Variants in TIAM1 observed in about 807,000 individuals in gnomAD.
TIAM1 encodes the protein rho guanine nucleotide exchange factor TIAM1.
A neutral mutation model predicts 163.5 loss-of-function variants in TIAM1; 65 were observed. The ratio of observed to expected loss-of-function variants is 0.40; its 90% CI spans 0.33 to 0.49. The LOEUF (loss-of-function observed/expected upper bound fraction) is 0.49, where lower values mean the gene tolerates loss of function less well. Among genes scored for constraint, TIAM1 ranks in the 20% least tolerant of loss-of-function variants. The pLI is 0.77. For missense variants in TIAM1, 1,789 were observed against 2,044.7 expected (o/e 0.87, Z 2.41); for synonymous variants, 833 against 810.1 (o/e 1.03, Z -0.48).
chr21:31,272,479 TAAA>T (rs36107845), intron 3 of TIAM1, among the ~76,000 whole-genome samples: 2 of 133,098 alleles, frequency 1.5e-5, no homozygotes. Flanking sequence ...AAGCCTTTTG[TAAA>T]AAAAAAAAAA....
chr21:31,222,543 T>G (rs1365981584), intron 8 of TIAM1, among the ~76,000 whole-genome samples: 1 of 151,698 alleles, frequency 6.6e-6, no homozygotes. Flanking sequence ...CTTGCTCTAA[T>G]GCATCGGGTA....
intron 6 of TIAM1, among the ~76,000 whole-genome samples, chr21:31,235,480 CT>C (rs1365737834): frequency 6.6e-6 from 1 of 152,138 alleles, no homozygotes; most frequent in Non-Finnish European, 1.5e-5. Context: ...AAATGTTCAT[CT>C]ATCATAATAG....
chr21:31,388,731 T>G (rs1272996425), intron 2 of TIAM1, among the ~76,000 whole-genome samples: 1 of 152,150 alleles, frequency 6.6e-6, no homozygotes, highest in Non-Finnish European at 1.5e-5. Context: ...CTGCTTATGT[T>G]TTTATGCCTC....
chr21:31,434,258 A>G (rs2044136745), intron 2 of TIAM1, among the ~76,000 whole-genome samples: 2 of 152,180 alleles, frequency 1.3e-5, no homozygotes, highest in Non-Finnish European at 1.5e-5. Context: ...AAATCTATGA[A>G]ACAATGGTTT....
At chr21:31,374,344 C>T (rs1393303328) in intron 2 of TIAM1, among the ~76,000 whole-genome samples, 1 of 152,180 alleles carries the variant, frequency 6.6e-6, no homozygotes, top group East Asian at 1.9e-4. Context: ...AGTTTCCTTC[C>T]TGTAGCTTTG....
At chr21:31,444,869 A>G (rs2147309986) in intron 2 of TIAM1, among the ~76,000 whole-genome samples, 1 of 152,262 alleles carries the variant, frequency 6.6e-6, no homozygotes, top group African/African-American at 2.4e-5. Context: ...ATGGTCGCAC[A>G]TGCCTGTAAT....
At chr21:31,214,887 A>C (rs1200599189) in intron 9 of TIAM1, among the ~76,000 whole-genome samples, 1 of 152,072 alleles carries the variant, frequency 6.6e-6, no homozygotes, top group Non-Finnish European at 1.5e-5. Flanking sequence ...TTGGCCTCCT[A>C]AAGTGCTAGG....
chr21:31,397,608 G>C (rs1198389820), intron 2 of TIAM1, among the ~76,000 whole-genome samples: 3 of 152,186 alleles, frequency 2.0e-5, no homozygotes, highest in African/African-American at 7.2e-5. Context: ...ACAAAGAGCT[G>C]GTGAAACCTC....
intron 2 of TIAM1, among the ~76,000 whole-genome samples, chr21:31,311,903 GAAT>G (rs2074945581): frequency 1.3e-5 from 2 of 152,104 alleles, no homozygotes; most frequent in Non-Finnish European, 2.9e-5. Context: ...AGCACGGCCA[GAAT>G]AAAAGCAGGC....
intron 1 of TIAM1, among the ~76,000 whole-genome samples, chr21:31,503,197 C>T (rs2046904635): frequency 6.6e-6 from 1 of 151,830 alleles, no homozygotes; most frequent in Admixed American, 6.6e-5. Context: ...GAGTTCAAGA[C>T]CAGCTTGGCC....
intron 4 of TIAM1, among the ~76,000 whole-genome samples, chr21:31,256,475 G>T (rs1194187075): frequency 6.6e-6 from 1 of 152,008 alleles, no homozygotes; most frequent in Admixed American, 6.6e-5. Flanking sequence ...GTAAAGAAAT[G>T]TGGACCTACA....
At chr21:31,356,520 T>C (rs927748870) in intron 2 of TIAM1, among the ~76,000 whole-genome samples, 13 of 152,168 alleles carry the variant, frequency 8.5e-5, no homozygotes. Context: ...GATTAGATCA[T>C]GAGATCGGAG....
At chr21:31,546,109 C>T (rs1056434644) in intron 1 of TIAM1, among the ~76,000 whole-genome samples, 4 of 150,960 alleles carry the variant, frequency 2.6e-5, no homozygotes, top group Non-Finnish European at 5.9e-5. Context: ...TAACAACCAC[C>T]CTTAATCTCA....
chr21:31,277,569 C>T (rs918454095), intron 2 of TIAM1, among the ~76,000 whole-genome samples: 1 of 152,134 alleles, frequency 6.6e-6, no homozygotes, highest in African/African-American at 2.4e-5. Context: ...CGCTGGAACC[C>T]GGGAGGTGGA....
intron 2 of TIAM1, 150 bp from the exon 3 acceptor site, chr21:31,277,058 C>G (rs562848508): frequency 2.6e-5 from 4 of 152,340 alleles, no homozygotes; most frequent in Admixed American, 2.6e-4. Flanking sequence ...TGAACCACAG[C>G]AACTCCATCT....
chr21:31,154,448 G>T, intron 16 of TIAM1, 22 bp from the exon 17 acceptor site: 1 of 1,604,774 alleles, frequency 6.2e-7, no homozygotes. Context: ...AGGGGGGAAG[G>T]GAAGGCAGAG....
intron 1 of TIAM1, among the ~76,000 whole-genome samples, chr21:31,340,227 C>A (rs1356569699): frequency 1.3e-5 from 2 of 151,560 alleles, no homozygotes; most frequent in African/African-American, 4.9e-5. Context: ...TTACATAGGA[C>A]AAGGTCCTTA....
At chr21:31,408,101 T>C (rs2077280649) in intron 2 of TIAM1, among the ~76,000 whole-genome samples, 1 of 152,222 alleles carries the variant, frequency 6.6e-6, no homozygotes, top group South Asian at 2.1e-4. Context: ...AATCCAAACT[T>C]AGGGCAAAGA....
chr21:31,223,298 C>G, intron 8 of TIAM1, 108 bp downstream of exon 8: 1 of 1,237,902 alleles, frequency 8.1e-7, no homozygotes, highest in Non-Finnish European at 1.1e-6. Context: ...TTCAGAAATC[C>G]ATACACAGCA....
Sources: gnomAD v4.1 joint callset for allele counts (sites outside exome capture counted in the v4.1 genomes callset) on GRCh38, gnomAD v4.1.1 for gene constraint, MANE v1.5 for transcripts, NCBI Gene and HGNC (gene_info 2026-07-23, HGNC 2026-07-21) for gene names.